GOLM1: variants seen among roughly 807,000 people sequenced by gnomAD.
GOLM1 encodes golgi membrane protein 1.
In GOLM1, 31 loss-of-function variants were observed where a neutral mutation model predicts 50.5. The observed-to-expected ratio is 0.61, with a 90% CI of 0.46 to 0.83. The LOEUF (loss-of-function observed/expected upper bound fraction) is 0.83. Ranked by LOEUF, GOLM1 falls within the 40% of genes least tolerant of loss-of-function variation. GOLM1 has a pLI of 0.00. For synonymous variants in GOLM1, 178 were observed against 192.8 expected (o/e 0.92, Z 0.64); for missense variants, 491 against 501.3 (o/e 0.98, Z 0.20).
In GOLM1 at chr9:86,035,671, T is replaced by TAAAAA. The variant is rs375193474; in HGVS notation, c.758-51_758-47dup. On this transcript the variant is annotated intron_variant, in intron 7 of 9. Transcript: ENST00000388712. ...GCTGTGACCTTGCCAGCATTTGATT[T>TAAAAA]AAAAAAAAAAAAAAAAAAAAAAGCA... The TAAAAA allele has an allele frequency of 6.6e-4, 575 of 872,944 alleles. 6 individuals are homozygous for TAAAAA. The African/African-American group carries it at 0.013, about 19-fold the overall frequency. 54.1% of individuals were successfully genotyped at this position (872,944 alleles called of 1,614,324 possible).
At chr9:86,046,152 C>A (rs778259204) in intron 5 of GOLM1, among the ~76,000 whole-genome samples, 5 of 152,200 alleles carry the variant, frequency 3.3e-5, no homozygotes, top group South Asian at 2.1e-4. Context: ...TTTTAGTCAA[C>A]GAATTTGATT....
chr9:86,065,837 C>T (rs767484864), intron 3 of GOLM1, among the ~76,000 whole-genome samples: 1 of 152,004 alleles, frequency 6.6e-6, no homozygotes, highest in Non-Finnish European at 1.5e-5. Flanking sequence ...GTCAGAAGTT[C>T]AAGACCAGCC....
At chr9:86,035,885 A>AAAAAAC (rs1833122608) in intron 7 of GOLM1, among the ~76,000 whole-genome samples, 1 of 144,918 alleles carries the variant, frequency 6.9e-6, no homozygotes, top group African/African-American at 2.6e-5. Flanking sequence ...AAACAAAACA[A>AAAAAAC]AAAAAAAAAA....
Position 86,026,319 on chromosome 9 carries a change from T to TAA in GOLM1, c.*1496_*1497dup, listed in dbSNP as rs542626892. ...TATGAAAGTACTCTAAGATTTTATC[T>TAA]AAGTTGCCTTTTCTGGGTGGGAAAG... is the stretch of plus-strand genomic sequence containing the variant. On this transcript the variant is annotated 3_prime_UTR_variant, in exon 10 of 10. Coordinates refer to ENST00000388712, the MANE Select transcript of GOLM1 (RefSeq NM_016548.4). 880 of 984,916 alleles carry TAA rather than the reference T, an allele frequency of 8.9e-4. 6 individuals carry two copies. The Middle Eastern group carries it at 0.017, about 19-fold the overall frequency. The allele number at this position is 984,916 out of a possible 1,614,324, so 61.0% of individuals were successfully genotyped here.
At chr9:86,087,999 G>A (rs1369157281) in intron 1 of GOLM1, among the ~76,000 whole-genome samples, 1 of 152,150 alleles carries the variant, frequency 6.6e-6, no homozygotes, top group Non-Finnish European at 1.5e-5. Flanking sequence ...GTTTGGAATA[G>A]TTTCAGAAGG....
chr9:86,081,760 A>G (rs969195645), intron 1 of GOLM1, among the ~76,000 whole-genome samples: 7 of 151,594 alleles, frequency 4.6e-5, no homozygotes, highest in Non-Finnish European at 8.8e-5. Flanking sequence ...ATGGTGGCAC[A>G]TGCCTGTAGT....
intron 6 of GOLM1, among the ~76,000 whole-genome samples, chr9:86,037,779 G>A (rs946664623): frequency 4.6e-5 from 7 of 152,138 alleles, no homozygotes; most frequent in South Asian, 4.1e-4. Context: ...ACATCACCAC[G>A]GGAACTGGTG....
At chr9:86,099,196 C>G (rs1227850261) in intron 1 of GOLM1, among the ~76,000 whole-genome samples, 1 of 151,576 alleles carries the variant, frequency 6.6e-6, no homozygotes, top group Non-Finnish European at 1.5e-5. Flanking sequence ...GGGAGCGAGC[C>G]GAGGGGCCCA....
chr9:86,035,185 C>A, intron 8 of GOLM1, 183 bp downstream of exon 8: 1 of 985,396 alleles, frequency 1.0e-6, no homozygotes, highest in Non-Finnish European at 1.2e-6. Context: ...GCATATGCTG[C>A]TCTTCCTTCC....
chr9:86,032,591 C>T (rs1303797458), intron 9 of GOLM1, among the ~76,000 whole-genome samples: 1 of 152,108 alleles, frequency 6.6e-6, no homozygotes, highest in African/African-American at 2.4e-5. Flanking sequence ...GTGATGGCAG[C>T]ATGTAAAATG....
chr9:86,031,306 C>T (rs1832973192), intron 9 of GOLM1, among the ~76,000 whole-genome samples: 1 of 151,984 alleles, frequency 6.6e-6, no homozygotes, highest in Non-Finnish European at 1.5e-5. Context: ...AGGATTTCTG[C>T]TGAATTCTGA....
At chr9:86,031,557 G>T (rs1489023337) in intron 9 of GOLM1, among the ~76,000 whole-genome samples, 1 of 145,364 alleles carries the variant, frequency 6.9e-6, no homozygotes, top group African/African-American at 2.5e-5. Context: ...TGCCTCCCGA[G>T]TTCACGCGAT....
chr9:86,053,650 ATGCT>A (rs1833880145), intron 3 of GOLM1, among the ~76,000 whole-genome samples: 2 of 57,860 alleles, frequency 3.5e-5, no homozygotes, highest in Non-Finnish European at 6.0e-5. Context: ...ACACCACACC[ATGCT>A]ACACCACTCC....
intron 8 of GOLM1, chr9:86,034,951 A>G: frequency 1.1e-6 from 1 of 947,952 alleles, no homozygotes; most frequent in Non-Finnish European, 1.3e-6. Flanking sequence ...ATTAACCTTC[A>G]TCTACCCAAT....
At chr9:86,027,983 C>T (rs1238184424) in intron 9 of GOLM1, 90 bp from the exon 10 acceptor site, 4 of 728,196 alleles carry the variant, frequency 5.5e-6, no homozygotes, top group Non-Finnish European at 9.2e-6. Flanking sequence ...CTTCTAGAAA[C>T]TGTCATAAAG....
intron 1 of GOLM1, among the ~76,000 whole-genome samples, chr9:86,083,810 C>G (rs759295166): frequency 6.6e-6 from 1 of 152,182 alleles, no homozygotes; most frequent in Admixed American, 6.5e-5. Flanking sequence ...AAATCCAAAA[C>G]GGTCTCTAAA....
chr9:86,043,205 C>G (rs1833416427), intron 5 of GOLM1, among the ~76,000 whole-genome samples: 1 of 152,144 alleles, frequency 6.6e-6, no homozygotes, highest in Non-Finnish European at 1.5e-5. Context: ...TGTGCTGACT[C>G]CAGGTGCTTC....
intron 4 of GOLM1, among the ~76,000 whole-genome samples, chr9:86,046,878 C>T (rs1833563692): frequency 6.6e-6 from 1 of 152,154 alleles, no homozygotes; most frequent in Non-Finnish European, 1.5e-5. Context: ...CTTCTGTGTG[C>T]CTGTCTCTTT....
At chr9:86,069,987 G>A (rs546926313) in intron 3 of GOLM1, among the ~76,000 whole-genome samples, 13 of 152,070 alleles carry the variant, frequency 8.5e-5, no homozygotes, top group East Asian at 3.9e-4. Flanking sequence ...GGGTTCAAGC[G>A]ATTCTCCTGC....
Sources: allele counts gnomAD v4.1 joint callset (sites outside exome capture counted in the v4.1 genomes callset), GRCh38; gene constraint gnomAD v4.1.1; transcripts MANE v1.5; gene names NCBI Gene and HGNC (gene_info 2026-07-23, HGNC 2026-07-21).